Variants in NLGN1 observed in about 807,000 individuals in gnomAD.
NLGN1 encodes neuroligin-1.
In NLGN1, 12 loss-of-function variants were observed where a neutral mutation model predicts 65.5. The ratio of observed to expected loss-of-function variants is 0.18; its 90% CI spans 0.12 to 0.30. NLGN1 has a LOEUF of 0.30. Ranked by LOEUF, NLGN1 falls within the 10% of genes least tolerant of loss-of-function variation. The probability of loss-of-function intolerance (pLI) is 1.00; values close to 1 mark genes in which losing one functional copy is unlikely to be tolerated. For missense variants in NLGN1, 750 were observed against 1,007.1 expected, an observed-to-expected ratio of 0.74 and a Z score of 3.46; for synonymous variants, 350 against 359.5, an observed-to-expected ratio of 0.97 and a Z score of 0.30.
At chr3:173,574,966 C>G (rs1007498509) in intron 2 of NLGN1, among the ~76,000 whole-genome samples, 3 of 152,160 alleles carry the variant, frequency 2.0e-5, no homozygotes, top group African/African-American at 7.2e-5. Flanking sequence ...CTCACTACAG[C>G]CTCCAACTCC....
At chr3:173,716,583 C>T (rs529370712) in intron 3 of NLGN1, among the ~76,000 whole-genome samples, 130 of 152,212 alleles carry the variant, frequency 8.5e-4, no homozygotes, top group Middle Eastern at 3.4e-3. Flanking sequence ...TCAGTTGATG[C>T]ACTGCCTGAT....
chr3:173,813,979 C>A (rs1028333347), intron 4 of NLGN1, among the ~76,000 whole-genome samples: 1 of 152,214 alleles, frequency 6.6e-6, no homozygotes, highest in Non-Finnish European at 1.5e-5. Flanking sequence ...TAGTAACCTT[C>A]TGTAAAAACC....
chr3:174,239,229 C>T (rs1311957766), intron 4 of NLGN1, among the ~76,000 whole-genome samples: 6 of 152,018 alleles, frequency 3.9e-5, no homozygotes, highest in Admixed American at 2.6e-4. Context: ...CCACCACACT[C>T]GGCTAACTTT....
intron 3 of NLGN1, among the ~76,000 whole-genome samples, chr3:173,799,174 T>C (rs1015583271): frequency 6.6e-6 from 1 of 151,986 alleles, no homozygotes; most frequent in African/African-American, 2.4e-5. Flanking sequence ...TGCTTACTGC[T>C]ATGTGATTGG....
At chr3:173,545,972 A>T (rs536413102) in intron 2 of NLGN1, among the ~76,000 whole-genome samples, 1 of 152,152 alleles carries the variant, frequency 6.6e-6, no homozygotes, top group Non-Finnish European at 1.5e-5. Context: ...AAGGGATAGC[A>T]TTAGGAGAAA....
chr3:173,497,650 G>C (rs1730256391), intron 2 of NLGN1, among the ~76,000 whole-genome samples: 2 of 151,754 alleles, frequency 1.3e-5, no homozygotes, highest in South Asian at 4.2e-4. Context: ...ATCAATTCCT[G>C]CATTTGGAAA....
intron 4 of NLGN1, among the ~76,000 whole-genome samples, chr3:173,953,529 A>G (rs1239390901): frequency 6.6e-6 from 1 of 151,930 alleles, no homozygotes; most frequent in Admixed American, 6.6e-5. Context: ...TTATTTATTT[A>G]TTTATATACT....
chr3:174,212,536 A>T (rs1399582937), intron 4 of NLGN1, among the ~76,000 whole-genome samples: 1 of 152,192 alleles, frequency 6.6e-6, no homozygotes, highest in Non-Finnish European at 1.5e-5. Flanking sequence ...GTCACCTCTC[A>T]CTAGGCTGTA....
intron 4 of NLGN1, among the ~76,000 whole-genome samples, chr3:174,192,461 A>G (rs554724220): frequency 6.6e-6 from 1 of 152,300 alleles, no homozygotes; most frequent in South Asian, 2.1e-4. Flanking sequence ...TGCAGATGTT[A>G]TTACTCATAA....
chr3:173,475,441 CATTT>C (rs1347709643), intron 2 of NLGN1, among the ~76,000 whole-genome samples: 1 of 152,130 alleles, frequency 6.6e-6, no homozygotes, highest in Non-Finnish European at 1.5e-5. Context: ...CTGTCTCAAA[CATTT>C]AAAGTTATTT....
At chr3:174,116,750 G>A (rs536427460) in intron 4 of NLGN1, among the ~76,000 whole-genome samples, 6 of 152,160 alleles carry the variant, frequency 3.9e-5, no homozygotes, top group Non-Finnish European at 5.9e-5. Flanking sequence ...AACTCAGTGC[G>A]AATGTAGAAT....
chr3:174,049,066 A>G lies in NLGN1; in HGVS notation c.647-226249A>G, dbSNP rs575729720. Among the ~76,000 whole-genome samples, 55 of 152,188 alleles carry G rather than the reference A, an allele frequency of 3.6e-4. No homozygotes were observed. In the South Asian group the frequency reaches 4.1e-3, roughly 11 times the overall value. ...TGGGTTCAATTAAGTAAAAAAATTA[A>G]AAATTACACCTACAAGACAAAGAGA... On this transcript the variant is annotated intron_variant, in intron 4 of 6. Coordinates refer to ENST00000457714, the Ensembl canonical transcript of NLGN1.
chr3:173,493,399 G>C (rs1729498761), intron 2 of NLGN1, among the ~76,000 whole-genome samples: 1 of 151,848 alleles, frequency 6.6e-6, no homozygotes. Flanking sequence ...TGCAGTTTGT[G>C]TTAATCATTT....
chr3:173,825,767 T>G (rs1174523711), intron 4 of NLGN1, among the ~76,000 whole-genome samples: 1 of 152,102 alleles, frequency 6.6e-6, no homozygotes, highest in Non-Finnish European at 1.5e-5. Context: ...CCTAACATGC[T>G]GGAGTTTTCT....
At chr3:173,773,607 G>A (rs894981627) in intron 3 of NLGN1, among the ~76,000 whole-genome samples, 1 of 152,204 alleles carries the variant, frequency 6.6e-6, no homozygotes, top group African/African-American at 2.4e-5. Flanking sequence ...TAATCAATAT[G>A]ATTTTTATTG....
intron 4 of NLGN1, among the ~76,000 whole-genome samples, chr3:173,896,617 A>G (rs1318790816): frequency 1.3e-5 from 2 of 152,202 alleles, no homozygotes; most frequent in Non-Finnish European, 2.9e-5. Context: ...AAGTTGGTGT[A>G]TGCTTTATTA....
intron 4 of NLGN1, among the ~76,000 whole-genome samples, chr3:174,116,341 T>C (rs1017337024): frequency 9.4e-5 from 13 of 137,584 alleles, no homozygotes; most frequent in East Asian, 2.1e-4. Flanking sequence ...TTTTTTTTTT[T>C]TTTTTTTTTT....
chr3:174,121,244 C>T (rs901401283), intron 4 of NLGN1, among the ~76,000 whole-genome samples: 2 of 152,192 alleles, frequency 1.3e-5, no homozygotes, highest in African/African-American at 2.4e-5. Context: ...GCAGCAAGTT[C>T]TGTCTGAGAG....
At chr3:173,736,706 G>A (rs941532021) in intron 3 of NLGN1, among the ~76,000 whole-genome samples, 1 of 151,790 alleles carries the variant, frequency 6.6e-6, no homozygotes, top group South Asian at 2.1e-4. Context: ...AATATTAAAG[G>A]TGCTAGTAAA....
Sources: gnomAD v4.1 joint callset for allele counts (sites outside exome capture counted in the v4.1 genomes callset) on GRCh38, gnomAD v4.1.1 for gene constraint, MANE v1.5 for transcripts, NCBI Gene and HGNC (gene_info 2026-07-23, HGNC 2026-07-21) for gene names.